The following BAIAP2L1 variants were observed in gnomAD, a reference collection of about 807,000 sequenced individuals.
BAIAP2L1 encodes BAR/IMD domain containing adaptor protein 2 like 1, also known as BAR/IMD domain-containing adapter protein 2-like 1.
In BAIAP2L1, 35 loss-of-function variants were observed where a neutral mutation model predicts 66.3. The observed-to-expected ratio is 0.53, with a 90% CI of 0.40 to 0.70. BAIAP2L1 has a LOEUF of 0.70. BAIAP2L1 is among the 30% of genes least tolerant of loss of function. BAIAP2L1 has a pLI of 0.00. For missense variants in BAIAP2L1, 622 were observed against 656.9 expected, an observed-to-expected ratio of 0.95 and a Z score of 0.58; for synonymous variants, 269 against 248.7, an observed-to-expected ratio of 1.08 and a Z score of -0.77.
chr7:98,385,263 G>A (rs1802859733), intron 1 of BAIAP2L1, among the ~76,000 whole-genome samples: 1 of 151,878 alleles, frequency 6.6e-6, no homozygotes. Context: ...AGCCAAGACT[G>A]TGCCAACTGC....
At chr7:98,293,630 T>A (rs756410863) in intron 13 of BAIAP2L1, 34 bp from the exon 14 acceptor site, 2 of 1,594,246 alleles carry the variant, frequency 1.3e-6, no homozygotes, top group South Asian at 2.2e-5. Context: ...TCAGAACTTC[T>A]GCTCTACGAG....
intron 1 of BAIAP2L1, among the ~76,000 whole-genome samples, chr7:98,373,441 C>T (rs930279701): frequency 2.7e-4 from 41 of 152,110 alleles, no homozygotes; most frequent in African/African-American, 8.2e-4. Context: ...TATTAGTTTG[C>T]ATTATCTGTA....
chr7:98,334,945 C>G (rs1483521102), intron 3 of BAIAP2L1, among the ~76,000 whole-genome samples: 2 of 148,994 alleles, frequency 1.3e-5, no homozygotes, highest in Admixed American at 6.7e-5. Flanking sequence ...ATCAGGAGAT[C>G]GAGACCATCC....
rs71112149 is a variant in BAIAP2L1 at position 98,377,967 on chromosome 7, T to TA, written c.52-15536dup. On this transcript the variant is annotated intron_variant, in intron 1 of 13. Coordinates refer to ENST00000005260, the MANE Select transcript of BAIAP2L1 (RefSeq NM_018842.5). ...ACACATAGTGAAACCCCATCTCTAC[T>TA]AAAAAAAAAAAATACAAAAATTAGC... Among the ~76,000 whole-genome samples, 686 of 145,588 alleles carry TA rather than the reference T, an allele frequency of 4.7e-3. 4 individuals carry two copies. Among genetic ancestry groups the TA allele is most frequent in the Admixed American group, 8.2e-3 (120 of 14,590 alleles).
In BAIAP2L1 at chr7:98,390,544, C is replaced by T. The variant is rs542400782; in HGVS notation, c.51+10258G>A. Among the ~76,000 whole-genome samples the T allele has an allele frequency of 9.4e-4, 143 of 151,724 alleles. 2 individuals are homozygous for T. Among genetic ancestry groups the T allele is most frequent in the African/African-American group, 3.3e-3 (137 of 41,464 alleles). ...GAGATCGAGACCATCTTGGCTAACA[C>T]GGTGAAACCCCGTCTCTATTAAAAA... On this transcript the variant is annotated intron_variant, in intron 1 of 13. Transcript: ENST00000005260.
chr7:98,370,408 T>C (rs1488807552), intron 1 of BAIAP2L1, among the ~76,000 whole-genome samples: 1 of 151,822 alleles, frequency 6.6e-6, no homozygotes, highest in Non-Finnish European at 1.5e-5. Context: ...CAACTACAGT[T>C]TGTAGTCAAT....
chr7:98,304,367 T>G lies in BAIAP2L1; in HGVS notation c.1251A>C (p.Pro417=). ...AVTVPTPSPT[P]VRSISTVNLS... Reference sequence around the variant, plus strand: ...AGTTCACGGTGCTGATGCTTCTCACTGGTGTGGGGCTCAAACCCAAAAAGG... The same window carrying G: ...AGTTCACGGTGCTGATGCTTCTCACGGGTGTGGGGCTCAAACCCAAAAAGG... The change falls in exon 12 of 14, where the codon CCA becomes CCC. Residue 417 remains proline (P), a synonymous_variant. Transcript: ENST00000005260. The G allele has an allele frequency of 6.2e-7, 1 of 1,613,436 alleles. No individual in the cohort carries two copies. The highest frequency in any genetic ancestry group is 8.5e-7 in the Non-Finnish European group (1 of 1,179,694).
chr7:98,295,779 G>A (rs1184239624), intron 12 of BAIAP2L1, among the ~76,000 whole-genome samples: 1 of 152,126 alleles, frequency 6.6e-6, no homozygotes, highest in Non-Finnish European at 1.5e-5. Flanking sequence ...ACACCCCGGA[G>A]CTTGTTCAGA....
At chr7:98,324,458 T>C (rs1449105492) in intron 3 of BAIAP2L1, among the ~76,000 whole-genome samples, 1 of 152,210 alleles carries the variant, frequency 6.6e-6, no homozygotes, top group Non-Finnish European at 1.5e-5. Flanking sequence ...TTGGACACTA[T>C]TGTATAAAGA....
chr7:98,348,520 T>C (rs1343440044), intron 3 of BAIAP2L1, among the ~76,000 whole-genome samples: 1 of 149,430 alleles, frequency 6.7e-6, no homozygotes, highest in African/African-American at 2.5e-5. Flanking sequence ...TGAGCCGAGA[T>C]TGCACCACTG....
intron 13 of BAIAP2L1, 27 bp downstream of exon 13, chr7:98,294,047 G>C (rs1454950095): frequency 1.2e-6 from 2 of 1,612,284 alleles, no homozygotes; most frequent in Non-Finnish European, 1.7e-6. Context: ...GTCACACACT[G>C]AGGCTCACGT....
rs1280298848 is a variant in BAIAP2L1, at chr7:98,293,406, TAG to T, written c.*113_*114del. 2.1e-6 allele frequency: 2 copies of T among 939,062 alleles called. No individual in the cohort carries two copies. The highest frequency in any genetic ancestry group is 4.9e-5 in the East Asian group (2 of 41,164). The allele number at this position is 939,062 out of a possible 1,614,324, so 58.2% of individuals were successfully genotyped here. ...CATGATTTGCTTAAGCAGGCGACAT[TAG>T]AGTTAGGCCTCTCCACTGAAGCTTC... On this transcript the variant is annotated 3_prime_UTR_variant, in exon 14 of 14. Coordinates refer to ENST00000005260, the MANE Select transcript of BAIAP2L1 (RefSeq NM_018842.5).
intron 1 of BAIAP2L1, among the ~76,000 whole-genome samples, chr7:98,370,840 T>C (rs1410735944): frequency 1.3e-5 from 2 of 152,172 alleles, no homozygotes; most frequent in Non-Finnish European, 2.9e-5. Context: ...CATTCCTATA[T>C]TGGCTCTTCA....
chr7:98,304,647 A>T (rs2116842046), intron 11 of BAIAP2L1, among the ~76,000 whole-genome samples: 1 of 152,238 alleles, frequency 6.6e-6, no homozygotes, highest in African/African-American at 2.4e-5. Context: ...TTCTAGGTTT[A>T]AGTGATTCTT....
intron 5 of BAIAP2L1, among the ~76,000 whole-genome samples, chr7:98,318,858 C>T (rs1373895695): frequency 2.0e-5 from 3 of 150,264 alleles, no homozygotes; most frequent in Non-Finnish European, 4.4e-5. Flanking sequence ...GTAGGAGAAT[C>T]GCTGGAACCC....
rs556671215 is a variant in BAIAP2L1 at position 98,304,499 on chromosome 7, A to G, written c.1242-123T>C. On this transcript the variant is annotated intron_variant, in intron 11 of 13. Transcript: ENST00000005260. ...CATCACCAATCAAAACCTGATCTTG[A>G]TCTCACACACACAGACACACACAGT... 7.1e-5 allele frequency: 68 copies of G among 957,028 alleles called. 1 individual carries two copies. In the African/African-American group the frequency reaches 1.1e-3, roughly 16 times the overall value. 59.3% of individuals were successfully genotyped at this position (957,028 alleles called of 1,614,324 possible).
intron 9 of BAIAP2L1, chr7:98,310,003 C>T (rs1352820084): frequency 6.3e-6 from 1 of 159,504 alleles, no homozygotes; most frequent in African/African-American, 2.4e-5. Flanking sequence ...GCAGGCACCA[C>T]CACGCCTGGC....
At chr7:98,305,960 G>A (rs886483249) in intron 11 of BAIAP2L1, among the ~76,000 whole-genome samples, 5 of 152,164 alleles carry the variant, frequency 3.3e-5, no homozygotes, top group African/African-American at 9.7e-5. Flanking sequence ...TGGACCCAGG[G>A]TGACTCCCAA....
At chr7:98,314,163 A>C (rs1278803761) in intron 7 of BAIAP2L1, among the ~76,000 whole-genome samples, 1 of 150,204 alleles carries the variant, frequency 6.7e-6, no homozygotes, top group Non-Finnish European at 1.5e-5. Context: ...TTGTATTTTT[A>C]GTAGAGACAG....
Sources: allele counts gnomAD v4.1 joint callset (sites outside exome capture counted in the v4.1 genomes callset), GRCh38; gene constraint gnomAD v4.1.1; transcripts MANE v1.5; gene names NCBI Gene and HGNC (gene_info 2026-07-23, HGNC 2026-07-21).